NEDD9: variants seen among roughly 807,000 people sequenced by gnomAD.
NEDD9 encodes neural precursor cell expressed, developmentally down-regulated 9.
NEDD9 carries 26 observed loss-of-function variants against 76.6 expected under a neutral mutation model. The observed-to-expected ratio is 0.34, with a 90% CI of 0.25 to 0.47. The LOEUF is 0.47. Among genes scored for constraint, NEDD9 ranks in the 20% least tolerant of loss-of-function variants. NEDD9 has a pLI of 1.00. For synonymous variants in NEDD9, 392 were observed against 414.2 expected, an observed-to-expected ratio of 0.95 and a Z score of 0.65; for missense variants, 937 against 1,058.5, an observed-to-expected ratio of 0.89 and a Z score of 1.59.
rs1760237151 is a variant in NEDD9, at chr6:11,268,247, T to C, written c.12+37745A>G. 2.0e-5 allele frequency among the ~76,000 whole-genome samples: 3 copies of C among 151,942 alleles called. No individual in the cohort carries two copies. In the South Asian group the frequency reaches 6.2e-4, roughly 32 times the overall value. On this transcript the variant is annotated intron_variant, in intron 3 of 3. Transcript: ENST00000397378. ...CGGGGTTTCGCCATGTTACCTAGGC[T>C]GGTCTCAAATTCCTGGGCTCAAGTG...
chr6:11,296,679 C>CCCTCCCTT (rs1760900724), intron 3 of NEDD9, among the ~76,000 whole-genome samples: 2 of 92,856 alleles, frequency 2.2e-5, no homozygotes, highest in Non-Finnish European at 4.1e-5. Context: ...CCTTTCCTTT[C>CCCTCCCTT]CCTTCCTTCC....
intron 3 of NEDD9, 59 bp from the exon 4 acceptor site, chr6:11,192,505 A>G (rs950389449): frequency 1.0e-5 from 13 of 1,256,104 alleles, no homozygotes; most frequent in Non-Finnish European, 1.5e-5. Flanking sequence ...GTCATTTTTT[A>G]TGCTCCTAAG....
chr6:11,311,379 T>C (rs963087098), intron 2 of NEDD9, among the ~76,000 whole-genome samples: 2 of 152,142 alleles, frequency 1.3e-5, no homozygotes, highest in African/African-American at 4.8e-5. Context: ...GCAGATTCTT[T>C]CCTTACAGCC....
At chr6:11,331,242 A>T (rs1762031511) in intron 2 of NEDD9, among the ~76,000 whole-genome samples, 1 of 152,154 alleles carries the variant, frequency 6.6e-6, no homozygotes, top group African/African-American at 2.4e-5. Flanking sequence ...ACTGCGGTAT[A>T]AGAATTGCTA....
rs1163052567 is a variant in NEDD9, at chr6:11,252,051, C to T, written c.13-38324G>A. On this transcript the variant is annotated intron_variant, in intron 3 of 3. Transcript: ENST00000397378. The surrounding 1 kb of genome is among the most constrained non-coding windows in gnomAD (Gnocchi z 4.3). ...TTTCGCTCCACCTCAGGGTTGAAGG[C>T]TGTGTCGATTCCTGTCACACACAGA... Among the ~76,000 whole-genome samples, 2 of 152,184 alleles carry T rather than the reference C, an allele frequency of 1.3e-5. No homozygotes were observed. The highest frequency in any genetic ancestry group is 2.4e-5 in the African/African-American group (1 of 41,452).
At chr6:11,196,101 G>A (rs1332982851) in intron 2 of NEDD9, among the ~76,000 whole-genome samples, 1 of 152,106 alleles carries the variant, frequency 6.6e-6, no homozygotes, top group Non-Finnish European at 1.5e-5. Flanking sequence ...TCAGGAGATC[G>A]AGACCATCCT....
intron 1 of NEDD9, among the ~76,000 whole-genome samples, chr6:11,371,728 C>T (rs1002331429): frequency 5.3e-5 from 8 of 152,208 alleles, no homozygotes. Context: ...GGTACATCAA[C>T]GTGTGCTACA....
intron 2 of NEDD9, among the ~76,000 whole-genome samples, chr6:11,205,112 T>A (rs72827123): frequency 6.6e-6 from 1 of 152,206 alleles, no homozygotes; most frequent in Non-Finnish European, 1.5e-5. Context: ...ATCATTAGCA[T>A]TGGAGTCAGA....
chr6:11,191,197 G>C lies in NEDD9; in HGVS notation c.672C>G (p.Ala224=), dbSNP rs141468430. The part of the protein sequence containing the change: ...YDIPPTKGVY[A]IPPSACRDEA... ...CATCCCGGCAAGCAGAGGGCGGAAT[G>C]GCATATACCTGCAAAGCAAGTAGAA... is the stretch of plus-strand genomic sequence containing the variant. Residue 224 remains alanine (A), a synonymous_variant, in exon 5 of 7, where the codon GCC becomes GCG. Transcript: ENST00000379446. 7.9e-5 allele frequency: 125 copies of C among 1,586,700 alleles called. No homozygotes were observed. Among genetic ancestry groups the C allele is most frequent in the Non-Finnish European group, 9.8e-5 (114 of 1,167,522 alleles).
intron 3 of NEDD9, among the ~76,000 whole-genome samples, chr6:11,284,949 A>C (rs1760617689): frequency 6.6e-6 from 1 of 152,100 alleles, no homozygotes; most frequent in African/African-American, 2.4e-5. Context: ...TTTCTGCATT[A>C]AGCTGATCAG....
At chr6:11,287,161 T>C (rs1760667191) in intron 3 of NEDD9, among the ~76,000 whole-genome samples, 1 of 152,210 alleles carries the variant, frequency 6.6e-6, no homozygotes, top group Admixed American at 6.5e-5. Context: ...GCGCGGTGGC[T>C]CACGCTTTTA....
chr6:11,246,975 T>C (rs1759823934), intron 3 of NEDD9, among the ~76,000 whole-genome samples: 1 of 152,140 alleles, frequency 6.6e-6, no homozygotes, highest in African/African-American at 2.4e-5. Context: ...AGATAAAGGC[T>C]GCTTGTGAAG....
chr6:11,300,696 G>T (rs1445537526), intron 3 of NEDD9, among the ~76,000 whole-genome samples: 5 of 152,116 alleles, frequency 3.3e-5, no homozygotes, highest in Non-Finnish European at 7.3e-5. Context: ...AGAAGAGAGT[G>T]GGGGCCAATA....
At chr6:11,223,495 A>C (rs1216994731) in intron 1 of NEDD9, among the ~76,000 whole-genome samples, 1 of 151,408 alleles carries the variant, frequency 6.6e-6, no homozygotes, top group Non-Finnish European at 1.5e-5. Flanking sequence ...AGGAAAAAAA[A>C]ACCAACAAAA....
chr6:11,322,466 G>A (rs1226267168), intron 2 of NEDD9, among the ~76,000 whole-genome samples: 1 of 152,200 alleles, frequency 6.6e-6, no homozygotes, highest in African/African-American at 2.4e-5. Flanking sequence ...AGGTCAAGGG[G>A]CATCTCGTGG....
chr6:11,190,441 G>A lies in NEDD9; in HGVS notation c.1428C>T (p.Leu476=). Residue 476 remains leucine, a synonymous_variant, in exon 5 of 7, where the codon CTC becomes CTT. Coordinates refer to ENST00000379446, the MANE Select transcript of NEDD9 (RefSeq NM_006403.4). This position sits in a 1 kb window ranked among gnomAD's most constrained non-coding sequence, Gnocchi z 5.8. ...TCTTGTTGTGGAGGATGAGTTCCGG[G>A]AGGCAGGCAGCATTTGCAACAGCTC... ...VKGAVANAAC[L]PELILHNKMK... is the part of the protein sequence containing the mutation. 5 of 1,614,214 alleles carry A rather than the reference G, an allele frequency of 3.1e-6. No homozygotes were observed. The highest frequency in any genetic ancestry group is 4.2e-6 in the Non-Finnish European group (5 of 1,180,040).
intron 3 of NEDD9, among the ~76,000 whole-genome samples, chr6:11,264,307 G>A (rs1760164649): frequency 6.6e-6 from 1 of 152,244 alleles, no homozygotes; most frequent in Admixed American, 6.5e-5. Context: ...GTGAGATGGC[G>A]CCCCCAGAGG....
chr6:11,367,424 G>A (rs928824603), intron 1 of NEDD9, among the ~76,000 whole-genome samples: 1 of 152,200 alleles, frequency 6.6e-6, no homozygotes, highest in Non-Finnish European at 1.5e-5. Flanking sequence ...CAGCACAAAT[G>A]TGTTTTATCA....
rs549002639 is a variant in NEDD9, at chr6:11,364,378, G to A, written c.-214+17761C>T. Reference sequence around the variant, plus strand: ...TTTGAGGTAATAGAACTTAGCTGTGGGCATGTCTCTATGATGAATCCTGTG... The same window carrying A: ...TTTGAGGTAATAGAACTTAGCTGTGAGCATGTCTCTATGATGAATCCTGTG... On this transcript the variant is annotated intron_variant, in intron 1 of 3. Transcript: ENST00000397378. Among the ~76,000 whole-genome samples the A allele has an allele frequency of 4.6e-5, 7 of 152,234 alleles. No individual in the cohort carries two copies. The East Asian group carries it at 1.2e-3, about 25-fold the overall frequency.
Sources: allele counts gnomAD v4.1 joint callset (sites outside exome capture counted in the v4.1 genomes callset), GRCh38; gene constraint gnomAD v4.1.1; non-coding constraint Gnocchi (gnomAD v3.1); transcripts MANE v1.5; gene names NCBI Gene and HGNC (gene_info 2026-07-23, HGNC 2026-07-21).